SFMBT2: variants seen among roughly 807,000 people sequenced by gnomAD.
The protein encoded by SFMBT2 is Scm like with four mbt domains 2, also known as scm-like with four MBT domains protein 2.
Under a neutral mutation model 110.1 loss-of-function variants are expected in SFMBT2, and 38 were observed. That is an observed-to-expected ratio of 0.35 (90% CI 0.27 to 0.45). The LOEUF is 0.45. SFMBT2 is among the 20% of genes least tolerant of loss of function. The pLI is 1.00. For missense variants in SFMBT2, 1,011 were observed against 1,094.9 expected (o/e 0.92, Z 1.08); for synonymous variants, 425 against 425.4 (o/e 1.00, Z 0.01).
chr10:7,203,756 C>CG (rs1839034515), intron 12 of SFMBT2: 1 of 743,542 alleles, frequency 1.3e-6, no homozygotes, highest in Non-Finnish European at 1.6e-6. Flanking sequence ...CGCTCTGTCA[C>CG]CCAGGCTGGA....
intron 9 of SFMBT2, among the ~76,000 whole-genome samples, chr10:7,239,361 A>G (rs1840364814): frequency 6.6e-6 from 1 of 152,252 alleles, no homozygotes; most frequent in Non-Finnish European, 1.5e-5. Flanking sequence ...TTTAATTTAG[A>G]CACAATAACC....
rs1424708326 is a variant in SFMBT2, at chr10:7,159,349, G to A, written c.*4421C>T. ...ACATGGGTCAAAAGTAGCACAATTT[G>A]ATTTTATCATAGTATGTTTGGGGTA... On this transcript the variant is annotated 3_prime_UTR_variant, in exon 21 of 21. Coordinates refer to ENST00000397167, the MANE Select transcript of SFMBT2 (RefSeq NM_001387889.1). 1 of 152,162 alleles carries A rather than the reference G, an allele frequency of 6.6e-6. No individual in the cohort carries two copies. The highest frequency in any genetic ancestry group is 6.5e-5 in the Admixed American group (1 of 15,278). 9.4% of individuals were successfully genotyped at this position (152,162 alleles called of 1,614,324 possible). A position where few individuals can be genotyped will look rare whatever the true frequency, so the allele number is the denominator to read the frequency against.
chr10:7,391,829 A>AT (rs1845773783), intron 1 of SFMBT2, among the ~76,000 whole-genome samples: 1 of 152,048 alleles, frequency 6.6e-6, no homozygotes, highest in African/African-American at 2.4e-5. Context: ...ATTCCAATCC[A>AT]TTTTTTCATT....
At chr10:7,361,472 T>G (rs1367588386) in intron 4 of SFMBT2, among the ~76,000 whole-genome samples, 1 of 152,280 alleles carries the variant, frequency 6.6e-6, no homozygotes, top group African/African-American at 2.4e-5. Flanking sequence ...AAAATGGCAA[T>G]TCCCAAAAAC....
intron 4 of SFMBT2, among the ~76,000 whole-genome samples, chr10:7,336,320 G>A (rs74116923): frequency 0.015 from 2,241 of 152,270 alleles, 61 homozygotes; most frequent in African/African-American, 0.052. Flanking sequence ...ACAGCTGACC[G>A]CAAAATTTCT....
At chr10:7,237,944 G>C (rs554735630) in intron 9 of SFMBT2, among the ~76,000 whole-genome samples, 1 of 152,256 alleles carries the variant, frequency 6.6e-6, no homozygotes, top group East Asian at 1.9e-4. Flanking sequence ...TGCACAGAGG[G>C]AACAGCAGGT....
intron 4 of SFMBT2, among the ~76,000 whole-genome samples, chr10:7,311,648 G>A (rs1842861219): frequency 6.6e-6 from 1 of 152,090 alleles, no homozygotes; most frequent in Non-Finnish European, 1.5e-5. Context: ...ACGTCATGTT[G>A]ACAAAAAGAA....
rs1236473575 is a variant in SFMBT2, at chr10:7,163,031, A to G, written c.*739T>C. 6.6e-6 allele frequency: 1 copy of G among 151,614 alleles called. No homozygotes were observed. Among genetic ancestry groups the G allele is most frequent in the Non-Finnish European group, 1.5e-5 (1 of 67,714 alleles). 9.4% of individuals were successfully genotyped at this position (151,614 alleles called of 1,614,324 possible). A position where few individuals can be genotyped will look rare whatever the true frequency, so the allele number is the denominator to read the frequency against. On this transcript the variant is annotated 3_prime_UTR_variant, in exon 21 of 21. Coordinates refer to ENST00000397167, the MANE Select transcript of SFMBT2 (RefSeq NM_001387889.1). This position sits in a 1 kb window ranked among gnomAD's most constrained non-coding sequence, Gnocchi z 4.8. ...GGCAGGAGAATCACTTGAACCCGGG[A>G]GAGAGAGGTTGCAGTGAGCTGAGAT...
intron 16 of SFMBT2, among the ~76,000 whole-genome samples, chr10:7,178,986 T>C (rs1270790381): frequency 6.6e-6 from 1 of 152,210 alleles, no homozygotes; most frequent in Non-Finnish European, 1.5e-5. Flanking sequence ...TTTAGGAATG[T>C]CTTTCTAAAG....
intron 12 of SFMBT2, 44 bp from the exon 13 acceptor site, chr10:7,202,566 TG>T: frequency 6.2e-7 from 1 of 1,614,090 alleles, no homozygotes; most frequent in African/African-American, 1.3e-5. Context: ...GCTTTGTTAG[TG>T]GGGCAAGTCC....
chr10:7,319,549 T>TG (rs1843109642), intron 4 of SFMBT2, among the ~76,000 whole-genome samples: 1 of 152,226 alleles, frequency 6.6e-6, no homozygotes. Flanking sequence ...GTATCAGTTA[T>TG]GGTATATCAG....
Position 7,293,898 on chromosome 10 carries a change from G to A in SFMBT2, c.437-7944C>T, listed in dbSNP as rs1842329035. ...CCATGGAAAGAGGGAAAGAACGTAA[G>A]CAAAGATGAACAATTTCCATCTCAT... On this transcript the variant is annotated intron_variant, in intron 4 of 20. Transcript: ENST00000397167. This position sits in a 1 kb window ranked among gnomAD's most constrained non-coding sequence, Gnocchi z 4.6. Among the ~76,000 whole-genome samples the A allele has an allele frequency of 6.6e-6, 1 of 152,212 alleles. No homozygotes were observed. Among genetic ancestry groups the A allele is most frequent in the Non-Finnish European group, 1.5e-5 (1 of 68,032 alleles).
At chr10:7,362,730 G>C (rs940334177) in intron 4 of SFMBT2, among the ~76,000 whole-genome samples, 10 of 152,218 alleles carry the variant, frequency 6.6e-5, no homozygotes, top group African/African-American at 2.4e-4. Context: ...GGTTCCAATG[G>C]GGAACTGGGG....
At chr10:7,177,058 C>T in intron 16 of SFMBT2, among the ~76,000 whole-genome samples, 1 of 152,182 alleles carries the variant, frequency 6.6e-6, no homozygotes, top group Admixed American at 6.5e-5. Flanking sequence ...CTAAAACTTG[C>T]TTCCACCTGC....
intron 4 of SFMBT2, among the ~76,000 whole-genome samples, chr10:7,297,387 A>T (rs1310568505): frequency 1.3e-5 from 2 of 152,228 alleles, no homozygotes; most frequent in African/African-American, 4.8e-5. Context: ...CCTCACTTGT[A>T]AAACAAGCCT....
intron 5 of SFMBT2, 54 bp from the exon 6 acceptor site, chr10:7,284,204 T>C: frequency 6.3e-7 from 1 of 1,581,624 alleles, no homozygotes; most frequent in South Asian, 1.2e-5. Context: ...AAGGTTCTCA[T>C]GGAAACAGAT....
chr10:7,228,687 C>CTT lies in SFMBT2; in HGVS notation c.1121-752_1121-751dup, dbSNP rs1195207111. On this transcript the variant is annotated intron_variant, in intron 9 of 20. Transcript: ENST00000397167. ...ACTAAAGTGGCTTCTTTCTTTCTTT[C>CTT]TTTCTTTCTTTCTTTCTTTCTTTCT... Among the ~76,000 whole-genome samples, 6 of 118,402 alleles carry CTT rather than the reference C, an allele frequency of 5.1e-5. No individual in the cohort carries two copies. In the South Asian group the frequency reaches 1.4e-3, roughly 28 times the overall value. 77.7% of individuals were successfully genotyped at this position (118,402 alleles called of 152,430 possible). A position where few individuals can be genotyped will look rare whatever the true frequency, so the allele number is the denominator to read the frequency against.
intron 16 of SFMBT2, among the ~76,000 whole-genome samples, chr10:7,184,565 TGAGAA>T (rs1366350931): frequency 6.6e-6 from 1 of 152,100 alleles, no homozygotes; most frequent in Non-Finnish European, 1.5e-5. Context: ...AGTTAAAAGT[TGAGAA>T]GAATCTAAAT....
chr10:7,188,551 G>A, intron 16 of SFMBT2, 73 bp downstream of exon 16: 1 of 1,169,814 alleles, frequency 8.5e-7, no homozygotes, highest in Non-Finnish European at 1.3e-6. Flanking sequence ...GTCACAAAGA[G>A]AAGTGGCAAG....
Sources: gnomAD v4.1 joint callset for allele counts (sites outside exome capture counted in the v4.1 genomes callset) on GRCh38, gnomAD v4.1.1 for gene constraint, Gnocchi (gnomAD v3.1) non-coding constraint, MANE v1.5 for transcripts, NCBI Gene and HGNC (gene_info 2026-07-23, HGNC 2026-07-21) for gene names.